The following PLXDC1 variants were observed in gnomAD, a reference collection of about 807,000 sequenced individuals.
PLXDC1 encodes plexin domain-containing protein 1.
PLXDC1 carries 39 observed loss-of-function variants against 61.3 expected under a neutral mutation model. The ratio of observed to expected loss-of-function variants is 0.64; its 90% confidence interval spans 0.49 to 0.83. The LOEUF is 0.83. Among genes scored for constraint, PLXDC1 ranks in the 40% least tolerant of loss-of-function variants. The pLI is 0.00. For missense variants in PLXDC1, 596 were observed against 666.5 expected, an observed-to-expected ratio of 0.89 and a Z score of 1.17; for synonymous variants, 212 against 254.5, an observed-to-expected ratio of 0.83 and a Z score of 1.59.
At position 39,065,575 on chromosome 17, in the gene PLXDC1, G is replaced by A. The variant is rs1383712098; in HGVS notation, c.*2265C>T. On this transcript the variant is annotated 3_prime_UTR_variant, in exon 14 of 14. Transcript: ENST00000315392. Reference sequence around the variant, plus strand: ...CCCCACCACACCTGGCATTTTTGTTGTTGTTGCCCAAGCTGGTCTCAAACC... The same window carrying A: ...CCCCACCACACCTGGCATTTTTGTTATTGTTGCCCAAGCTGGTCTCAAACC... The A allele has an allele frequency of 6.6e-6, 1 of 151,690 alleles. No individual in the cohort carries two copies. The highest frequency in any genetic ancestry group is 1.5e-5 in the Non-Finnish European group (1 of 67,946). The allele number at this position is 151,690 out of a possible 1,614,324, so 9.4% of individuals were successfully genotyped here. A position where few individuals can be genotyped will look rare whatever the true frequency, so the allele number is the denominator to read the frequency against.
chr17:39,068,013 C>A, intron 13 of PLXDC1, 54 bp from the exon 14 acceptor site: 1 of 1,583,864 alleles, frequency 6.3e-7, no homozygotes, highest in Non-Finnish European at 8.6e-7. Flanking sequence ...CCCATGGGGA[C>A]CCCACACTCC....
chr17:39,125,472 C>T (rs1230167696), intron 2 of PLXDC1, among the ~76,000 whole-genome samples: 1 of 152,146 alleles, frequency 6.6e-6, no homozygotes, highest in Non-Finnish European at 1.5e-5. Context: ...AAAAATCATC[C>T]TATCCTGGCA....
chr17:39,083,370 G>A (rs1228370143), intron 9 of PLXDC1, 89 bp downstream of exon 9: 1 of 931,546 alleles, frequency 1.1e-6, no homozygotes, highest in African/African-American at 1.6e-5. Flanking sequence ...TTGGCTGACT[G>A]TGGGCAGTGA....
At chr17:39,087,373 G>T (rs957446552) in intron 8 of PLXDC1, among the ~76,000 whole-genome samples, 3 of 152,150 alleles carry the variant, frequency 2.0e-5, no homozygotes, top group Admixed American at 2.0e-4. Context: ...ACCCAGAATG[G>T]ACCCATCAAT....
In PLXDC1 at chr17:39,115,610, C is replaced by T. The variant is rs184686120; in HGVS notation, c.256-6219G>A. Among the ~76,000 whole-genome samples, 6 of 152,220 alleles carry T rather than the reference C, an allele frequency of 3.9e-5. No homozygotes were observed. The East Asian group carries it at 9.7e-4, about 24-fold the overall frequency. On this transcript the variant is annotated intron_variant, in intron 2 of 13. Coordinates refer to ENST00000315392, the MANE Select transcript of PLXDC1 (RefSeq NM_020405.5). ...CAAATTGCACCCTGGAGGGAGGGGG[C>T]GACTTGCAGGGGGATCACTCCTGGG...
intron 2 of PLXDC1, among the ~76,000 whole-genome samples, chr17:39,135,514 TA>T (rs1476395229): frequency 3.9e-5 from 6 of 151,910 alleles, no homozygotes; most frequent in Non-Finnish European, 8.8e-5. Context: ...CCATCTCTAC[TA>T]AAAATACAAA....
At chr17:39,069,725 G>T (rs930511823) in intron 13 of PLXDC1, 131 bp downstream of exon 13, 2 of 700,188 alleles carry the variant, frequency 2.9e-6, no homozygotes, top group African/African-American at 1.8e-5. Context: ...AAATGTGCCA[G>T]GATGGGGTGG....
At chr17:39,124,263 C>T (rs1911252526) in intron 2 of PLXDC1, among the ~76,000 whole-genome samples, 1 of 152,220 alleles carries the variant, frequency 6.6e-6, no homozygotes, top group African/African-American at 2.4e-5. Flanking sequence ...TGCATCAACA[C>T]GTCACTCATT....
rs369773240 is a variant in PLXDC1 at position 39,105,983 on chromosome 17, C to T, written c.712-30G>A. On this transcript the variant is annotated intron_variant, in intron 6 of 13. Coordinates refer to ENST00000315392, the MANE Select transcript of PLXDC1 (RefSeq NM_020405.5). ...GGCAGGGAGAAGAGACTCCGTCCAC[C>T]TCCCAAACGCTCTGGGGCCCACCCA... 2.1e-4 allele frequency: 316 copies of T among 1,493,950 alleles called. 1 individual carries two copies. Among genetic ancestry groups the T allele is most frequent in the Non-Finnish European group, 2.7e-4 (290 of 1,075,218 alleles). The allele number at this position is 1,493,950 out of a possible 1,614,324, so 92.5% of individuals were successfully genotyped here.
At chr17:39,090,267 T>C (rs1909896208) in intron 7 of PLXDC1, among the ~76,000 whole-genome samples, 1 of 152,144 alleles carries the variant, frequency 6.6e-6, no homozygotes, top group South Asian at 2.1e-4. Flanking sequence ...TGTCATTCCA[T>C]GCAGTGAAAA....
At chr17:39,122,664 A>G (rs945597834) in intron 2 of PLXDC1, among the ~76,000 whole-genome samples, 1 of 152,174 alleles carries the variant, frequency 6.6e-6, no homozygotes, top group African/African-American at 2.4e-5. Flanking sequence ...TTCACAGCCC[A>G]TTGTAGAAGC....
At chr17:39,080,951 C>T (rs1009579232) in intron 9 of PLXDC1, 1 of 152,742 alleles carries the variant, frequency 6.5e-6, no homozygotes, top group Non-Finnish European at 1.5e-5. Flanking sequence ...TGTCATCTGA[C>T]CCATTTTGCA....
intron 1 of PLXDC1, among the ~76,000 whole-genome samples, chr17:39,146,650 A>G (rs2045344252): frequency 6.6e-6 from 1 of 150,994 alleles, no homozygotes. Context: ...TGTCTTTTTT[A>G]TAATAAAAAA....
chr17:39,079,080 G>A, intron 10 of PLXDC1, 24 bp downstream of exon 10: 1 of 1,604,106 alleles, frequency 6.2e-7, no homozygotes, highest in Non-Finnish European at 8.5e-7. Flanking sequence ...CACAGGAGTT[G>A]CAGCAGATAC....
intron 12 of PLXDC1, chr17:39,072,207 G>C (rs1444240220): frequency 1.8e-6 from 1 of 554,312 alleles, no homozygotes; most frequent in Non-Finnish European, 3.2e-6. Context: ...GCCAGGAGAA[G>C]AACCACAGGA....
At chr17:39,095,386 C>CCCCCCCCCCCCCCCCCCCCT (rs1910143857) in intron 7 of PLXDC1, among the ~76,000 whole-genome samples, 1 of 29,574 alleles carries the variant, frequency 3.4e-5, no homozygotes, top group African/African-American at 1.4e-4. Context: ...CCCCAACCCC[C>CCCCCCCCCCCCCCCCCCCCT]CAAGCCTGGG....
intron 8 of PLXDC1, among the ~76,000 whole-genome samples, chr17:39,085,519 G>T (rs1358684362): frequency 6.6e-6 from 1 of 152,214 alleles, no homozygotes; most frequent in African/African-American, 2.4e-5. Flanking sequence ...AGCTGACAGT[G>T]AGAGGTCTGG....
chr17:39,133,002 T>C (rs1281088827), intron 2 of PLXDC1, among the ~76,000 whole-genome samples: 1 of 152,046 alleles, frequency 6.6e-6, no homozygotes, highest in African/African-American at 2.4e-5. Context: ...TCAAACTTGC[T>C]GAAACAGCCC....
intron 11 of PLXDC1, among the ~76,000 whole-genome samples, 197 bp downstream of exon 11, chr17:39,077,716 A>G (rs1909394791): frequency 6.6e-6 from 1 of 152,186 alleles, no homozygotes; most frequent in East Asian, 1.9e-4. Context: ...GTAGAGTTCA[A>G]GTTCTAAATC....
Sources: allele counts gnomAD v4.1 joint callset (sites outside exome capture counted in the v4.1 genomes callset), GRCh38; gene constraint gnomAD v4.1.1; transcripts MANE v1.5; gene names NCBI Gene and HGNC (gene_info 2026-07-23, HGNC 2026-07-21).